Variants in DDR2 observed in about 807,000 individuals in gnomAD.
The protein encoded by DDR2 is discoidin domain receptor tyrosine kinase 2.
In DDR2, 27 loss-of-function variants were observed where a neutral mutation model predicts 94.9. That is an observed-to-expected ratio of 0.28 (90% confidence interval 0.21 to 0.39). The LOEUF is 0.39. Ranked by LOEUF, DDR2 falls within the 10% of genes least tolerant of loss-of-function variation. The pLI is 1.00. For synonymous variants in DDR2, 382 were observed against 377.2 expected (o/e 1.01, Z -0.15); for missense variants, 783 against 1,076.0 (o/e 0.73, Z 3.81).
intron 2 of DDR2, among the ~76,000 whole-genome samples, chr1:162,701,275 T>A (rs1660420822): frequency 1.3e-5 from 2 of 152,246 alleles, no homozygotes; most frequent in Admixed American, 6.5e-5. Flanking sequence ...ACAGTTCAGC[T>A]GTAGTAGAGG....
chr1:162,648,080 A>C (rs1393360993), intron 1 of DDR2, among the ~76,000 whole-genome samples: 3 of 149,472 alleles, frequency 2.0e-5, no homozygotes, highest in Non-Finnish European at 4.4e-5. Context: ...TTGAGTACTT[A>C]CTAAGAGTCT....
rs374553423 is a variant in DDR2, at chr1:162,731,897, G to A, written c.82+12752G>A. 3.6e-4 allele frequency among the ~76,000 whole-genome samples: 55 copies of A among 152,308 alleles called. No homozygotes were observed. In the South Asian group the frequency reaches 0.011, roughly 30 times the overall value. On this transcript the variant is annotated intron_variant, in intron 3 of 17. Coordinates refer to ENST00000367921, the MANE Select transcript of DDR2 (RefSeq NM_006182.4). The stretch of plus-strand genomic sequence containing the variant: ...TATAAACTTTCCATGATTCCAAACC[G>A]TGGCCTCAGTTTTCTTCTTCACTCC...
intron 11 of DDR2, among the ~76,000 whole-genome samples, chr1:162,768,667 G>A (rs994885598): frequency 2.0e-5 from 3 of 152,202 alleles, no homozygotes; most frequent in Admixed American, 6.5e-5. Flanking sequence ...CTTCTGATCT[G>A]TGCCACCCTC....
chr1:162,755,652 T>C lies in DDR2; in HGVS notation c.566-12T>C, dbSNP rs750765542. The C allele has an allele frequency of 7.4e-6, 12 of 1,613,768 alleles. No individual in the cohort carries two copies. In the South Asian group the frequency reaches 1.2e-4, roughly 16 times the overall value. On this transcript the variant is annotated splice_polypyrimidine_tract_variant and intron_variant, in intron 6 of 17. Transcript: ENST00000367921. ...AGCAGTAGGCACTCACTTGGCTGTG[T>C]TTCCTTTGCAGATGGCTTGGTGTCT...
intron 1 of DDR2, among the ~76,000 whole-genome samples, chr1:162,644,388 A>G (rs1657304184): frequency 6.6e-6 from 1 of 152,136 alleles, no homozygotes; most frequent in Non-Finnish European, 1.5e-5. Context: ...CTATTGAGGG[A>G]AGTACTACGA....
chr1:162,669,906 A>T (rs1472064480), intron 2 of DDR2, among the ~76,000 whole-genome samples: 9 of 152,250 alleles, frequency 5.9e-5, no homozygotes, highest in African/African-American at 2.2e-4. Context: ...AAGCATGGCC[A>T]GCAAGGGCTG....
At chr1:162,646,734 A>C (rs1407493839) in intron 1 of DDR2, among the ~76,000 whole-genome samples, 1 of 152,172 alleles carries the variant, frequency 6.6e-6, no homozygotes, top group Non-Finnish European at 1.5e-5. Context: ...TTTAATATGC[A>C]TCAGAATCAC....
intron 3 of DDR2, among the ~76,000 whole-genome samples, chr1:162,752,807 A>G (rs1663277694): frequency 6.6e-6 from 1 of 152,182 alleles, no homozygotes; most frequent in Non-Finnish European, 1.5e-5. Context: ...TACCAAGTAC[A>G]AAGCATAAAT....
chr1:162,710,430 T>G (rs761912177), intron 2 of DDR2, among the ~76,000 whole-genome samples: 6 of 152,114 alleles, frequency 3.9e-5, no homozygotes, highest in Non-Finnish European at 7.4e-5. Flanking sequence ...TTAGGAAAAC[T>G]TCAACAAATC....
intron 2 of DDR2, among the ~76,000 whole-genome samples, chr1:162,673,637 G>C (rs991008215): frequency 6.8e-6 from 1 of 147,688 alleles, no homozygotes; most frequent in African/African-American, 2.6e-5. Flanking sequence ...GAGAGAGAGA[G>C]AGAGAGAGAC....
intron 9 of DDR2, among the ~76,000 whole-genome samples, chr1:162,764,837 AAAAG>A (rs1453714291): frequency 2.0e-5 from 3 of 152,032 alleles, no homozygotes; most frequent in Admixed American, 1.3e-4. Context: ...AAAAAAAAAA[AAAAG>A]AAAGAAAAGA....
intron 3 of DDR2, among the ~76,000 whole-genome samples, chr1:162,748,106 A>C (rs923443392): frequency 6.6e-6 from 1 of 152,222 alleles, no homozygotes; most frequent in Non-Finnish European, 1.5e-5. Context: ...TGAGCAAAAT[A>C]ACCAGCTAAC....
At chr1:162,652,331 A>G (rs1364513576) in intron 1 of DDR2, among the ~76,000 whole-genome samples, 1 of 152,196 alleles carries the variant, frequency 6.6e-6, no homozygotes, top group African/African-American at 2.4e-5. Flanking sequence ...GGAAAGCTGA[A>G]ACAGAAGTGC....
At chr1:162,735,468 T>TTTTTTTTTTTTTTTTTTTTTTTTTTGA (rs1662254562) in intron 3 of DDR2, among the ~76,000 whole-genome samples, 1 of 152,208 alleles carries the variant, frequency 6.6e-6, no homozygotes, top group Non-Finnish European at 1.5e-5. Flanking sequence ...CCAGAGTTTC[T>TTTTTTTTTTTTTTTTTTTTTTTTTTGA]GATTCATTAG....
Position 162,782,655 on chromosome 1 carries a change from T to C in DDR2, c.*2409T>C, listed in dbSNP as rs1202396680. ...TCTTATAGAGCAAGAGAAAATAATA[T>C]TATTATATCTTCCTTTGCCTAAAAT... is the stretch of plus-strand genomic sequence containing the variant. On this transcript the variant is annotated 3_prime_UTR_variant, in exon 18 of 18. Coordinates refer to ENST00000367921, the MANE Select transcript of DDR2 (RefSeq NM_006182.4). 6.6e-6 allele frequency: 1 copy of C among 152,120 alleles called. No individual in the cohort carries two copies. The highest frequency in any genetic ancestry group is 1.5e-5 in the Non-Finnish European group (1 of 68,014). The allele number at this position is 152,120 out of a possible 1,614,324, so 9.4% of individuals were successfully genotyped here.
intron 2 of DDR2, among the ~76,000 whole-genome samples, chr1:162,682,248 G>T (rs1337117739): frequency 6.6e-6 from 1 of 152,100 alleles, no homozygotes; most frequent in Non-Finnish European, 1.5e-5. Context: ...TTTTTAACTG[G>T]CCAGGGACTT....
intron 2 of DDR2, among the ~76,000 whole-genome samples, chr1:162,679,906 G>A (rs760990928): frequency 5.9e-5 from 9 of 151,692 alleles, no homozygotes; most frequent in Non-Finnish European, 1.3e-4. Flanking sequence ...TATTTTTTTC[G>A]TATGCCTGTT....
chr1:162,766,893 G>T (rs182304275), intron 10 of DDR2, among the ~76,000 whole-genome samples: 2 of 151,964 alleles, frequency 1.3e-5, no homozygotes, highest in South Asian at 4.2e-4. Context: ...TTAGCCGGGC[G>T]TAGTGGCGCA....
chr1:162,699,926 T>C (rs1450212625), intron 2 of DDR2, among the ~76,000 whole-genome samples: 1 of 152,246 alleles, frequency 6.6e-6, no homozygotes, highest in Non-Finnish European at 1.5e-5. Flanking sequence ...AATTAGCTTC[T>C]ATTGTCACCT....
Sources: allele counts gnomAD v4.1 joint callset (sites outside exome capture counted in the v4.1 genomes callset), GRCh38; gene constraint gnomAD v4.1.1; transcripts MANE v1.5; gene names NCBI Gene and HGNC (gene_info 2026-07-23, HGNC 2026-07-21).